The following HMCN2 variants were observed in gnomAD, a reference collection of about 807,000 sequenced individuals.
The protein encoded by HMCN2 is hemicentin 2.
Under a neutral mutation model 377.5 loss-of-function variants are expected in HMCN2, and 325 were observed. The ratio of observed to expected loss-of-function variants is 0.86; its 90% CI spans 0.79 to 0.94. The LOEUF is 0.94. HMCN2 is among the 40% of genes least tolerant of loss of function. The pLI is 0.00. For synonymous variants in HMCN2, 2,007 were observed against 2,046.8 expected, an observed-to-expected ratio of 0.98 and a Z score of 0.53; for missense variants, 4,543 against 4,725.3, an observed-to-expected ratio of 0.96 and a Z score of 1.13.
chr9:130,268,266 T>C (rs750660240), intron 1 of HMCN2, among the ~76,000 whole-genome samples: 3 of 152,164 alleles, frequency 2.0e-5, no homozygotes, highest in Non-Finnish European at 4.4e-5. Flanking sequence ...ACTGAGCTGG[T>C]GGGCAGTTCT....
At chr9:130,359,845 A>G (rs1359014588) in intron 37 of HMCN2, among the ~76,000 whole-genome samples, 1 of 151,980 alleles carries the variant, frequency 6.6e-6, no homozygotes, top group Non-Finnish European at 1.5e-5. Flanking sequence ...TCCCATCTGA[A>G]CTAGGCCCAC....
chr9:130,360,189 C>T lies in HMCN2; in HGVS notation c.5774-239C>T, dbSNP rs1840293834. ...CCGGTTCCCTTTCCTGAATGAAGAA[C>T]TCTGACCTTCTCCAATGCCTGAAAA... On this transcript the variant is annotated intron_variant, in intron 37 of 97. Transcript: ENST00000683500. This position sits in a 1 kb window ranked among gnomAD's most constrained non-coding sequence, Gnocchi z 4.7. Among the ~76,000 whole-genome samples, 1 of 152,148 alleles carries T rather than the reference C, an allele frequency of 6.6e-6. No individual in the cohort carries two copies. The highest frequency in any genetic ancestry group is 6.5e-5 in the Admixed American group (1 of 15,280).
chr9:130,429,820 T>C (rs1266133661), intron 94 of HMCN2, 135 bp downstream of exon 94: 3 of 1,401,534 alleles, frequency 2.1e-6, no homozygotes, highest in Middle Eastern at 2.5e-4. Flanking sequence ...GGGCTGAGGG[T>C]GTCTAAGGCG....
At chr9:130,371,609 C>G (rs561844213) in intron 46 of HMCN2, among the ~76,000 whole-genome samples, 1 of 152,352 alleles carries the variant, frequency 6.6e-6, no homozygotes, top group East Asian at 1.9e-4. Flanking sequence ...CCTGCAAGGA[C>G]TTCAAGGCCC....
rs748438535 is a variant in HMCN2, at chr9:130,376,539, G to A, written c.7942G>A (p.Asp2648Asn). 2.7e-5 allele frequency: 27 copies of A among 985,824 alleles called. No homozygotes were observed. Among genetic ancestry groups the A allele is most frequent in the East Asian group, 1.1e-4 (1 of 8,784 alleles). The allele number at this position is 985,824 out of a possible 1,614,324, so 61.1% of individuals were successfully genotyped here. The change falls in exon 52 of 98, where the codon GAC becomes AAC. Residue 2648 changes from aspartate to asparagine, a missense_variant. By Grantham distance (23) the Asp-to-Asn change is conservative. Transcript: ENST00000683500. ...AGTCCCCCCTTCCATCTCCAAAGAC[G>A]ACCCCTTGGCGGAGGTCGGCGTGAA... ...VLIPPSISKD[D>N]PLAEVGVKEV...
At chr9:130,315,171 C>CTCCTTCCT (rs1837465679) in intron 15 of HMCN2, among the ~76,000 whole-genome samples, 1 of 134,254 alleles carries the variant, frequency 7.4e-6, no homozygotes, top group Non-Finnish European at 1.6e-5. Flanking sequence ...CCTAGACGAG[C>CTCCTTCCT]TCCTTCCTCC....
At chr9:130,325,490 T>G (rs1271835159) in intron 19 of HMCN2, 105 bp from the exon 20 acceptor site, 1 of 152,290 alleles carries the variant, frequency 6.6e-6, no homozygotes, top group Non-Finnish European at 1.5e-5. Flanking sequence ...CCGCATGCTG[T>G]GTGCCCATGC....
At chr9:130,411,340 A>G (rs1843396915) in intron 85 of HMCN2, among the ~76,000 whole-genome samples, 1 of 152,184 alleles carries the variant, frequency 6.6e-6, no homozygotes, top group Admixed American at 6.5e-5. Flanking sequence ...GGTGACTCAC[A>G]GCTGTAATCC....
chr9:130,368,616 G>A (rs1013635838), intron 44 of HMCN2, among the ~76,000 whole-genome samples, 179 bp downstream of exon 44: 11 of 152,154 alleles, frequency 7.2e-5, no homozygotes, highest in Non-Finnish European at 1.3e-4. Context: ...ACCTGAGACT[G>A]GCTAATTTAT....
At chr9:130,283,873 A>G (rs141771465) in intron 1 of HMCN2, among the ~76,000 whole-genome samples, 119 of 150,092 alleles carry the variant, frequency 7.9e-4, no homozygotes, top group African/African-American at 2.8e-3. Flanking sequence ...GCTGCTATGA[A>G]CCTTTGAGTA....
intron 54 of HMCN2, among the ~76,000 whole-genome samples, chr9:130,379,885 T>C (rs959259332): frequency 1.3e-5 from 2 of 152,240 alleles, no homozygotes; most frequent in African/African-American, 4.8e-5. Context: ...TTTCTATTTT[T>C]ATTTTTTGGG....
intron 46 of HMCN2, 101 bp downstream of exon 46, chr9:130,371,232 G>T (rs1225613326): frequency 6.0e-6 from 4 of 666,734 alleles, no homozygotes; most frequent in Non-Finnish European, 7.4e-6. Context: ...GAGCTGCCAG[G>T]CCTGGTTGGA....
At chr9:130,429,397 A>T in intron 93 of HMCN2, 160 bp from the exon 94 acceptor site, 3 of 825,816 alleles carry the variant, frequency 3.6e-6, no homozygotes, top group Non-Finnish European at 3.8e-6. Flanking sequence ...ACCTGGTATA[A>T]CTGGGGGAGG....
intron 4 of HMCN2, among the ~76,000 whole-genome samples, chr9:130,287,774 T>C (rs1204716375): frequency 6.6e-6 from 1 of 152,098 alleles, no homozygotes; most frequent in African/African-American, 2.4e-5. Context: ...AGCTGGTGAA[T>C]GGACAGGGTC....
chr9:130,322,888 C>T (rs1246958308), intron 19 of HMCN2, among the ~76,000 whole-genome samples: 1 of 152,098 alleles, frequency 6.6e-6, no homozygotes, highest in Non-Finnish European at 1.5e-5. Context: ...ATGTTAATAT[C>T]GTCTTTTTTC....
Position 130,406,084 on chromosome 9 carries a change from G to A in HMCN2, c.12469G>A (p.Gly4157Arg), listed in dbSNP as rs568180026. ...TLPGDRSLRL[G>R]DRLWLRCAAR... ...GCCTGGGGACCGCAGCCTGCGCCTT[G>A]GGGACAGGCTGTGGCTTCGCTGTGC... The change falls in exon 82 of 98, where the codon GGG becomes AGG. Residue 4157 changes from glycine to arginine, a missense_variant. Gly to Arg is a moderately radical substitution (Grantham distance 125). This residue lies in a region of HMCN2 where 1,073 missense variants were observed against 1,319.5 expected (regional missense o/e 0.81). Coordinates refer to ENST00000683500, the MANE Select transcript of HMCN2 (RefSeq NM_001291815.2). The A allele has an allele frequency of 2.7e-5, 35 of 1,289,868 alleles. 1 individual carries two copies. In the South Asian group the frequency reaches 3.9e-4, roughly 15 times the overall value. 79.9% of individuals were successfully genotyped at this position (1,289,868 alleles called of 1,614,324 possible). A position where few individuals can be genotyped will look rare whatever the true frequency, so the allele number is the denominator to read the frequency against.
chr9:130,371,096 C>T lies in HMCN2; in HGVS notation c.7202C>T (p.Pro2401Leu). Residue 2401 changes from proline (P) to leucine (L), a missense_variant, in exon 46 of 98, where the codon CCT becomes CTT. By Grantham distance (98) the Pro-to-Leu change is moderately conservative. Coordinates refer to ENST00000683500, the MANE Select transcript of HMCN2 (RefSeq NM_001291815.2). Reference protein sequence around the residue: ...PAIRWFRGEEPVSPGEDTYLL... With the variant: ...PAIRWFRGEELVSPGEDTYLL... ...ATCCGCTGGTTCCGAGGGGAGGAGC[C>T]TGTCAGCCCCGGGGAGGACACCTAC... The T allele has an allele frequency of 2.0e-6, 2 of 985,958 alleles. No homozygotes were observed. The highest frequency in any genetic ancestry group is 2.4e-6 in the Non-Finnish European group (2 of 830,024). The allele number at this position is 985,958 out of a possible 1,614,324, so 61.1% of individuals were successfully genotyped here. A position where few individuals can be genotyped will look rare whatever the true frequency, so the allele number is the denominator to read the frequency against.
intron 12 of HMCN2, among the ~76,000 whole-genome samples, 181 bp downstream of exon 12, chr9:130,306,451 T>C (rs62584669): frequency 2.2e-4 from 33 of 152,280 alleles, no homozygotes; most frequent in Non-Finnish European, 4.7e-4. Flanking sequence ...TGCCACAGTG[T>C]GGGCTCAGCG....
chr9:130,346,925 G>A (rs1014239391), intron 25 of HMCN2, among the ~76,000 whole-genome samples: 7 of 152,210 alleles, frequency 4.6e-5, no homozygotes, highest in South Asian at 4.1e-4. Flanking sequence ...TGCAGTCCCC[G>A]CCTTGGTCCC....
Sources: allele counts gnomAD v4.1 joint callset (sites outside exome capture counted in the v4.1 genomes callset), GRCh38; gene constraint gnomAD v4.1.1; regional missense constraint gnomAD v4.1.1; non-coding constraint Gnocchi (gnomAD v3.1); transcripts MANE v1.5; gene names NCBI Gene and HGNC (gene_info 2026-07-23, HGNC 2026-07-21).